The following ALDH1L2 variants were observed in gnomAD, a reference collection of about 807,000 sequenced individuals.
ALDH1L2 encodes aldehyde dehydrogenase 1 family member L2.
In ALDH1L2, 91 loss-of-function variants were observed where a neutral mutation model predicts 111.0. That is an observed-to-expected ratio of 0.82 (90% CI 0.69 to 0.98). The LOEUF (loss-of-function observed/expected upper bound fraction) is 0.98. Ranked by LOEUF, ALDH1L2 falls within the 50% of genes least tolerant of loss-of-function variation. The pLI is 0.00. For missense variants in ALDH1L2, 995 were observed against 1,126.8 expected, an observed-to-expected ratio of 0.88 and a Z score of 1.67; for synonymous variants, 374 against 392.6, an observed-to-expected ratio of 0.95 and a Z score of 0.56.
intron 10 of ALDH1L2, among the ~76,000 whole-genome samples, chr12:105,056,432 A>T (rs921193452): frequency 6.6e-6 from 1 of 152,200 alleles, no homozygotes; most frequent in African/African-American, 2.4e-5. Context: ...GAAATGAAAG[A>T]ACACCAGACA....
At position 105,035,944 on chromosome 12, in the gene ALDH1L2, ATATT is replaced by A. The variant is rs1352823785; in HGVS notation, c.2146-1550_2146-1547del. Among the ~76,000 whole-genome samples the A allele has an allele frequency of 2.8e-5, 3 of 108,842 alleles. 1 individual carries two copies. Among genetic ancestry groups the A allele is most frequent in the Non-Finnish European group, 5.0e-5 (3 of 59,534 alleles). 71.4% of individuals were successfully genotyped at this position (108,842 alleles called of 152,430 possible). ...TATACATATATTTATATGTGTATATATATTATATATATACGTATATTTATATGTG... is the reference window on the plus strand; with the variant it reads ...TATACATATATTTATATGTGTATATAATATATATACGTATATTTATATGTG... On this transcript the variant is annotated intron_variant, in intron 18 of 22. Coordinates refer to ENST00000258494, the MANE Select transcript of ALDH1L2 (RefSeq NM_001034173.4).
chr12:105,059,259 CTG>C (rs1876835344), intron 9 of ALDH1L2, among the ~76,000 whole-genome samples: 1 of 144,830 alleles, frequency 6.9e-6, no homozygotes. Context: ...GAGCGAGACT[CTG>C]TCTCAAAATA....
chr12:105,060,599 C>T (rs562238730), intron 9 of ALDH1L2: 70 of 159,724 alleles, frequency 4.4e-4, no homozygotes, highest in South Asian at 1.6e-3. Context: ...CCGAGGCAAG[C>T]GGATCAGCTG....
intron 1 of ALDH1L2, among the ~76,000 whole-genome samples, chr12:105,081,781 TA>T (rs1171430547): frequency 2.0e-5 from 3 of 152,252 alleles, no homozygotes; most frequent in Admixed American, 6.5e-5. Context: ...CAAGAAGTGT[TA>T]TAAACTAATT....
intron 21 of ALDH1L2, among the ~76,000 whole-genome samples, chr12:105,027,538 G>A (rs1296229583): frequency 6.6e-6 from 1 of 152,122 alleles, no homozygotes; most frequent in Non-Finnish European, 1.5e-5. Flanking sequence ...CAGACTGCCT[G>A]GTGACCTTGG....
intron 22 of ALDH1L2, 95 bp downstream of exon 22, chr12:105,026,450 G>T: frequency 7.1e-7 from 1 of 1,406,996 alleles, no homozygotes; most frequent in Non-Finnish European, 9.8e-7. Context: ...TGTAGGAAAT[G>T]CCCCTCAAAG....
In ALDH1L2 at chr12:105,058,639, G is replaced by C. The variant is rs541797516; in HGVS notation, c.1140-419C>G. 8.5e-5 allele frequency among the ~76,000 whole-genome samples: 13 copies of C among 152,314 alleles called. No homozygotes were observed. In the East Asian group the frequency reaches 2.5e-3, roughly 29 times the overall value. On this transcript the variant is annotated intron_variant, in intron 9 of 22. Transcript: ENST00000258494. ...TATTTTCTCTAAATTACAAGTATAAGATGGACATTTGTTTGTATTACGTAG... is the reference window on the plus strand; with the variant it reads ...TATTTTCTCTAAATTACAAGTATAACATGGACATTTGTTTGTATTACGTAG...
At chr12:105,032,083 T>G in intron 19 of ALDH1L2, 149 bp from the exon 20 acceptor site, 1 of 790,696 alleles carries the variant, frequency 1.3e-6, no homozygotes, top group Non-Finnish European at 1.9e-6. Context: ...GGTTTTTTTT[T>G]TTTTTTCCTT....
intron 5 of ALDH1L2, 26 bp downstream of exon 5, chr12:105,066,542 G>A (rs193046925): frequency 2.1e-4 from 328 of 1,590,286 alleles, no homozygotes; most frequent in Non-Finnish European, 2.7e-4. Context: ...ACTCTGAGAC[G>A]TGTTATTGAG....
chr12:105,061,263 A>G (rs1876985632), intron 8 of ALDH1L2, among the ~76,000 whole-genome samples, 191 bp from the exon 9 acceptor site: 1 of 151,744 alleles, frequency 6.6e-6, no homozygotes, highest in Non-Finnish European at 1.5e-5. Flanking sequence ...GACCTGCACC[A>G]CCCCAGTCCT....
At chr12:105,052,330 T>C in intron 11 of ALDH1L2, 113 bp from the exon 12 acceptor site, 1 of 1,107,196 alleles carries the variant, frequency 9.0e-7, no homozygotes, top group Non-Finnish European at 1.2e-6. Flanking sequence ...AAAAAAGTTA[T>C]GATAAGAAAT....
rs200563339 is a variant in ALDH1L2, at chr12:105,060,994, T to C, written c.1126A>G (p.Met376Val). 26 of 1,614,048 alleles carry C rather than the reference T, an allele frequency of 1.6e-5. No homozygotes were observed. The highest frequency in any genetic ancestry group is 1.5e-4 in the South Asian group (14 of 91,080). ...TDFFKSGASSMDVARLVEEIR... is the reference protein window; with the variant it reads ...TDFFKSGASSVDVARLVEEIR... ...GCGTGGTTTTACCTGGCAACATCCA[T>C]TGAGCTTGCTCCAGATTTAAAGAAG... The change falls in exon 9 of 23, where the codon ATG becomes GTG. Residue 376 changes from methionine to valine, a missense_variant. Met to Val is a conservative substitution (Grantham distance 21, BLOSUM62 1). Transcript: ENST00000258494.
chr12:105,069,263 C>T (rs188479927), intron 3 of ALDH1L2, among the ~76,000 whole-genome samples: 9 of 151,912 alleles, frequency 5.9e-5, no homozygotes, highest in East Asian at 1.9e-4. Flanking sequence ...CTGTATTAGG[C>T]GGAATAAGAA....
chr12:105,076,705 A>T (rs1878068449), intron 1 of ALDH1L2, among the ~76,000 whole-genome samples: 1 of 152,214 alleles, frequency 6.6e-6, no homozygotes, highest in Non-Finnish European at 1.5e-5. Context: ...GGCAATAGTA[A>T]ATGCTCAGTA....
chr12:105,072,175 ATC>A (rs949484441), intron 2 of ALDH1L2, among the ~76,000 whole-genome samples: 9 of 147,950 alleles, frequency 6.1e-5, no homozygotes, highest in African/African-American at 9.8e-5. Context: ...AAATTATGAT[ATC>A]TATTAATATC....
intron 18 of ALDH1L2, 145 bp from the exon 19 acceptor site, chr12:105,034,543 G>T: frequency 1.6e-6 from 1 of 643,260 alleles, no homozygotes; most frequent in Non-Finnish European, 2.6e-6. Context: ...CCTTGTTAGT[G>T]ATGAGAGCTT....
rs1874253737 is a variant in ALDH1L2, at chr12:105,023,420, ATATC to A, written c.*1000_*1003del. 6.6e-6 allele frequency: 1 copy of A among 152,214 alleles called. No individual in the cohort carries two copies. The highest frequency in any genetic ancestry group is 2.4e-5 in the African/African-American group (1 of 41,448). 9.4% of individuals were successfully genotyped at this position (152,214 alleles called of 1,614,324 possible). The stretch of plus-strand genomic sequence containing the variant: ...TGTGTCAGAACAATGGATGAGAAAA[ATATC>A]TAGGAATTGATGATTGAAAAGGGTT... On this transcript the variant is annotated 3_prime_UTR_variant, in exon 23 of 23. Coordinates refer to ENST00000258494, the MANE Select transcript of ALDH1L2 (RefSeq NM_001034173.4).
intron 12 of ALDH1L2, chr12:105,050,277 G>A (rs77759561): frequency 0.023 from 8,417 of 370,346 alleles, 118 homozygotes; most frequent in Middle Eastern, 0.036. Flanking sequence ...GAGGGTATTG[G>A]AAGCATATAT....
At chr12:105,032,531 G>A (rs919035735) in intron 19 of ALDH1L2, among the ~76,000 whole-genome samples, 8 of 152,092 alleles carry the variant, frequency 5.3e-5, no homozygotes, top group Admixed American at 6.5e-5. Flanking sequence ...GAGCCACCGC[G>A]CCCAGCTGCA....
Sources: gnomAD v4.1 joint callset for allele counts (sites outside exome capture counted in the v4.1 genomes callset) on GRCh38, gnomAD v4.1.1 for gene constraint, MANE v1.5 for transcripts, NCBI Gene and HGNC (gene_info 2026-07-23, HGNC 2026-07-21) for gene names.